FAM83A: variants seen among roughly 807,000 people sequenced by gnomAD.
FAM83A encodes scaffolding CK1 anchoring protein A.
Under a neutral mutation model 24.4 loss-of-function variants are expected in FAM83A, and 21 were observed. The ratio of observed to expected loss-of-function variants is 0.86; its 90% CI spans 0.61 to 1.24. The LOEUF is 1.24. FAM83A is among the 50% of genes most tolerant of loss of function. FAM83A has a pLI of 0.00. For missense variants in FAM83A, 617 were observed against 579.8 expected (o/e 1.06, Z -0.66); for synonymous variants, 270 against 252.4 (o/e 1.07, Z -0.66).
exon 2 of FAM83A, chr8:123,191,965 C>G (rs1453117724): frequency 6.2e-7 from 1 of 1,614,050 alleles, no homozygotes; most frequent in Non-Finnish European, 8.5e-7. Flanking sequence ...TGACAGTCAC[C>G]TCAAGGTAGG....
rs941601111 is a variant in FAM83A at position 123,208,720 on chromosome 8, G to C, written c.*1032G>C. 1.0e-5 allele frequency: 10 copies of C among 985,498 alleles called. No homozygotes were observed. The African/African-American group carries it at 1.6e-4, about 15-fold the overall frequency. 61.0% of individuals were successfully genotyped at this position (985,498 alleles called of 1,614,324 possible). ...TTAGAAAGCATACAGGAGGGGCCAG[G>C]CGTGGTGGCTCATGCCTGTAATCCC... On this transcript the variant is annotated 3_prime_UTR_variant, in exon 4 of 4. Transcript: ENST00000690554.
At chr8:123,197,935 G>T (rs1420800355) in intron 3 of FAM83A, among the ~76,000 whole-genome samples, 1 of 152,172 alleles carries the variant, frequency 6.6e-6, no homozygotes, top group Non-Finnish European at 1.5e-5. Context: ...TTTGAGACCA[G>T]CCTGGCCAAC....
At chr8:123,204,283 T>A (rs1288314916) in intron 3 of FAM83A, among the ~76,000 whole-genome samples, 3 of 152,096 alleles carry the variant, frequency 2.0e-5, no homozygotes, top group Admixed American at 6.5e-5. Context: ...AAAAAATTTT[T>A]AAAAAAGATG....
chr8:123,209,903 C>G lies in FAM83A; in HGVS notation c.*2215C>G, dbSNP rs1158123067. 8.2e-6 allele frequency: 2 copies of G among 243,168 alleles called. No homozygotes were observed. Among genetic ancestry groups the G allele is most frequent in the African/African-American group, 4.4e-5 (2 of 45,874 alleles). The allele number at this position is 243,168 out of a possible 1,614,324, so 15.1% of individuals were successfully genotyped here. On this transcript the variant is annotated 3_prime_UTR_variant, in exon 4 of 4. Coordinates refer to ENST00000690554, the Ensembl canonical transcript of FAM83A. This position sits in a 1 kb window ranked among gnomAD's most constrained non-coding sequence, Gnocchi z 4.7. ...TGAGCAGAACCGCCGAGGGTCACTT[C>G]TGGGCAGAAGCTTTGAGAGCCTGGG...
chr8:123,183,576 G>T (rs1332407505), intron 1 of FAM83A, among the ~76,000 whole-genome samples: 2 of 151,928 alleles, frequency 1.3e-5, no homozygotes. Context: ...CTTCCTGCCT[G>T]GCCCCCTCTT....
rs1824578757 is a variant in FAM83A, at chr8:123,207,140, C to T, written c.774-17C>T. On this transcript the variant is annotated splice_polypyrimidine_tract_variant and intron_variant, in intron 3 of 3. Coordinates refer to ENST00000690554, the Ensembl canonical transcript of FAM83A. ...TCCCCCTTCTCCTCCATCACTCTCT[C>T]TCCTCTTCCCCTCCAGCTTCACCTG... 7.6e-7 allele frequency: 1 copy of T among 1,323,294 alleles called. No homozygotes were observed. The highest frequency in any genetic ancestry group is 1.0e-6 in the Non-Finnish European group (1 of 999,656). The allele number at this position is 1,323,294 out of a possible 1,614,324, so 82.0% of individuals were successfully genotyped here.
intron 1 of FAM83A, among the ~76,000 whole-genome samples, chr8:123,188,470 GT>G (rs781656107): frequency 2.7e-5 from 4 of 150,450 alleles, no homozygotes; most frequent in Non-Finnish European, 5.9e-5. Flanking sequence ...TTCTTTTTTC[GT>G]TTCTTTTTCT....
intron 1 of FAM83A, among the ~76,000 whole-genome samples, chr8:123,189,575 C>T (rs991209795): frequency 6.6e-6 from 1 of 152,180 alleles, no homozygotes; most frequent in Non-Finnish European, 1.5e-5. Context: ...TCAAAGTCAC[C>T]GCTCTGCTCA....
intron 1 of FAM83A, 128 bp from the exon 2 acceptor site, chr8:123,191,675 C>G: frequency 1.0e-6 from 1 of 953,886 alleles, no homozygotes; most frequent in Non-Finnish European, 1.6e-6. Flanking sequence ...CCACTCTACC[C>G]CATCCTCTCC....
In FAM83A at chr8:123,182,972, C is replaced by T. The variant is rs528392267; in HGVS notation, c.116C>T (p.Thr39Met). 5.1e-4 allele frequency: 823 copies of T among 1,610,748 alleles called. 11 individuals are homozygous for T. The South Asian group carries it at 8.4e-3, about 16-fold the overall frequency. Reference sequence around the variant, plus strand: ...GACAACGAGAGTGCCCGGCTGGCCACGGACGCCCTCTTGGATGGGGGTTCT... The same window carrying T: ...GACAACGAGAGTGCCCGGCTGGCCATGGACGCCCTCTTGGATGGGGGTTCT... The change falls in exon 1 of 4, where the codon ACG becomes ATG. Residue 39 changes from threonine to methionine, a missense_variant. Transcript: ENST00000690554.
chr8:123,193,744 T>A (rs1009426651), intron 2 of FAM83A, among the ~76,000 whole-genome samples: 4 of 152,208 alleles, frequency 2.6e-5, no homozygotes, highest in African/African-American at 7.2e-5. Flanking sequence ...GAAGCCCACT[T>A]CCTGGCTTAT....
upstream of FAM83A, chr8:123,181,843 A>T: frequency 2.9e-6 from 1 of 344,342 alleles, no homozygotes; most frequent in Non-Finnish European, 5.9e-6. Context: ...TGATCTTCCG[A>T]CCAACCACTT....
chr8:123,185,693 G>A (rs1356557412), intron 1 of FAM83A, among the ~76,000 whole-genome samples: 9 of 152,206 alleles, frequency 5.9e-5, no homozygotes, highest in South Asian at 4.1e-4. Flanking sequence ...GGGTTCACCC[G>A]TTTGGGTGTC....
intron 3 of FAM83A, chr8:123,201,040 G>T (rs1411915472): frequency 1.3e-5 from 2 of 150,466 alleles, no homozygotes; most frequent in Admixed American, 1.3e-4. Context: ...CTGTCATCTT[G>T]GCTACTAGGG....
intron 1 of FAM83A, 69 bp downstream of exon 1, chr8:123,183,405 A>AG: frequency 6.5e-7 from 1 of 1,543,082 alleles, no homozygotes; most frequent in Non-Finnish European, 8.7e-7. Flanking sequence ...TAGAGCAGGG[A>AG]GGGGGGTGCA....
At position 123,190,949 on chromosome 8, in the gene FAM83A, C is replaced by G. The variant is rs1467504329; in HGVS notation, c.481-854C>G. ...CAGGAGTCCCAGCTAAAGTCCTGGG[C>G]TGACTCTTATTAGAATAACTTAGAT... On this transcript the variant is annotated intron_variant, in intron 1 of 3. Transcript: ENST00000690554. 2.0e-5 allele frequency among the ~76,000 whole-genome samples: 3 copies of G among 152,194 alleles called. No individual in the cohort carries two copies. The East Asian group carries it at 5.8e-4, about 29-fold the overall frequency.
chr8:123,196,467 G>C (rs1824157878), intron 3 of FAM83A, among the ~76,000 whole-genome samples: 1 of 152,204 alleles, frequency 6.6e-6, no homozygotes, highest in Non-Finnish European at 1.5e-5. Flanking sequence ...CAGTTGAATG[G>C]AGAGGTTTTC....
chr8:123,195,322 C>T (rs1046350607), intron 3 of FAM83A, among the ~76,000 whole-genome samples: 2 of 152,062 alleles, frequency 1.3e-5, no homozygotes, highest in Non-Finnish European at 2.9e-5. Context: ...AGCAGGAGCC[C>T]GCAATGCTGT....
intron 1 of FAM83A, among the ~76,000 whole-genome samples, chr8:123,189,327 C>T (rs904217608): frequency 6.6e-6 from 1 of 152,198 alleles, no homozygotes; most frequent in Admixed American, 6.5e-5. Context: ...TGGATACCAG[C>T]CATCAGTTTG....
Sources: gnomAD v4.1 joint callset for allele counts (sites outside exome capture counted in the v4.1 genomes callset) on GRCh38, gnomAD v4.1.1 for gene constraint, Gnocchi (gnomAD v3.1) non-coding constraint, MANE v1.5 for transcripts, NCBI Gene and HGNC (gene_info 2026-07-23, HGNC 2026-07-21) for gene names.